Variants in ARHGAP23 observed in about 807,000 individuals in gnomAD.
ARHGAP23 encodes the protein Rho GTPase activating protein 23.
A neutral mutation model predicts 136.3 loss-of-function variants in ARHGAP23; 34 were observed. The observed-to-expected ratio is 0.25, with a 90% CI of 0.19 to 0.33. The LOEUF is 0.33. ARHGAP23 is among the 10% of genes least tolerant of loss of function. ARHGAP23 has a pLI of 1.00. For synonymous variants in ARHGAP23, 832 were observed against 920.5 expected, an observed-to-expected ratio of 0.90 and a Z score of 1.74; for missense variants, 1,808 against 2,139.0, an observed-to-expected ratio of 0.85 and a Z score of 3.05.
intron 1 of ARHGAP23, among the ~76,000 whole-genome samples, chr17:38,456,443 C>T (rs1479051630): frequency 6.6e-6 from 1 of 152,190 alleles, no homozygotes; most frequent in Non-Finnish European, 1.5e-5. Context: ...AACTGATGAG[C>T]TTCTTCCTCC....
At chr17:38,497,935 T>G in intron 21 of ARHGAP23, 109 bp downstream of exon 21, 1 of 1,161,766 alleles carries the variant, frequency 8.6e-7, no homozygotes, top group Non-Finnish European at 1.3e-6. Flanking sequence ...TGTCTGTCCT[T>G]GAGGCTTCCC....
At chr17:38,468,753 G>A (rs1008509598) in intron 7 of ARHGAP23, among the ~76,000 whole-genome samples, 3 of 152,206 alleles carry the variant, frequency 2.0e-5, no homozygotes, top group Admixed American at 6.5e-5. Flanking sequence ...GAAGCTCTCA[G>A]TCTGATGGGG....
In ARHGAP23 at chr17:38,458,055, A is replaced by G. The variant is rs1414987135; in HGVS notation, c.64-47A>G. ...GCAGGAGGTGGTGCAAACAGCCAGA[A>G]GTGTCAGCCACACGGGCGCTCAGCC... On this transcript the variant is annotated intron_variant, in intron 1 of 23. Coordinates refer to ENST00000622683, the MANE Select transcript of ARHGAP23 (RefSeq NM_001199417.2). 24 of 1,532,946 alleles carry G rather than the reference A, an allele frequency of 1.6e-5. No individual in the cohort carries two copies. In the East Asian group the frequency reaches 5.9e-4, roughly 38 times the overall value. 95.0% of individuals were successfully genotyped at this position (1,532,946 alleles called of 1,614,324 possible).
intron 16 of ARHGAP23, 149 bp downstream of exon 16, chr17:38,482,827 G>C: frequency 9.6e-7 from 1 of 1,041,510 alleles, no homozygotes; most frequent in Non-Finnish European, 1.4e-6. Flanking sequence ...TGGGCAAGAT[G>C]GGACCTGCCC....
At chr17:38,431,844 A>G (rs997364716) in intron 1 of ARHGAP23, among the ~76,000 whole-genome samples, 2 of 152,170 alleles carry the variant, frequency 1.3e-5, no homozygotes, top group African/African-American at 4.8e-5. Flanking sequence ...CTCCCAGGCC[A>G]TGCCTTTCCC....
intron 3 of ARHGAP23, among the ~76,000 whole-genome samples, chr17:38,461,173 G>A (rs2052036621): frequency 1.3e-5 from 2 of 152,180 alleles, no homozygotes. Context: ...CTCCACAGAA[G>A]TTTGCTGAGC....
chr17:38,503,518 C>G (rs1435716863), intron 23 of ARHGAP23, among the ~76,000 whole-genome samples: 1 of 152,212 alleles, frequency 6.6e-6, no homozygotes, highest in Admixed American at 6.5e-5. Context: ...CTGGCTTCTC[C>G]ACACTCCCCG....
rs151116767 is a variant in ARHGAP23 at position 38,433,633 on chromosome 17, A to G, written c.63+5085A>G. On this transcript the variant is annotated intron_variant, in intron 1 of 23. Coordinates refer to ENST00000622683, the MANE Select transcript of ARHGAP23 (RefSeq NM_001199417.2). ...GCACTATATGATAGGAAATTAGAGGAGCAGGTGAATCCTACTTCCTACTGT... is the reference window on the plus strand; with the variant it reads ...GCACTATATGATAGGAAATTAGAGGGGCAGGTGAATCCTACTTCCTACTGT... Among the ~76,000 whole-genome samples, 1,453 of 152,258 alleles carry G rather than the reference A, an allele frequency of 9.5e-3. 11 individuals are homozygous for G. Among genetic ancestry groups the G allele is most frequent in the Admixed American group, 0.017 (258 of 15,274 alleles).
chr17:38,453,898 C>A (rs1291543800), intron 1 of ARHGAP23: 1 of 145,298 alleles, frequency 6.9e-6, no homozygotes, highest in Non-Finnish European at 1.5e-5. Context: ...CCGCGCGGCG[C>A]GCGCGTCTCC....
intron 1 of ARHGAP23, among the ~76,000 whole-genome samples, chr17:38,439,047 G>T (rs928262283): frequency 2.0e-5 from 3 of 150,884 alleles, no homozygotes; most frequent in Non-Finnish European, 4.4e-5. Flanking sequence ...GTAGTGGCGG[G>T]CACCTGTAAA....
intron 2 of ARHGAP23, 72 bp from the exon 3 acceptor site, chr17:38,460,833 C>T (rs1290200615): frequency 6.5e-7 from 1 of 1,535,836 alleles, no homozygotes; most frequent in African/African-American, 1.4e-5. Flanking sequence ...GGGCCCTGCC[C>T]ACTGGAGCTG....
Position 38,467,557 on chromosome 17 carries a change from T to C in ARHGAP23, c.1648+226T>C, listed in dbSNP as rs142699713. Among the ~76,000 whole-genome samples, 7 of 152,296 alleles carry C rather than the reference T, an allele frequency of 4.6e-5. No homozygotes were observed. The East Asian group carries it at 1.4e-3, about 29-fold the overall frequency. ...TTCTTCCATCCTACCTCTCATTCAT[T>C]TATCCTTTCAGCATCTTTCCACGCA... is the stretch of plus-strand genomic sequence containing the variant. On this transcript the variant is annotated intron_variant, in intron 7 of 23. Transcript: ENST00000622683.
In ARHGAP23 at chr17:38,458,190, A is replaced by G. The variant is rs761951553; in HGVS notation, c.152A>G (p.Gln51Arg). Reference protein sequence around the residue: ...PRTLLLYKSPQDGFGFTLRHF... With the variant: ...PRTLLLYKSPRDGFGFTLRHF... ...ACGCTGCTGCTGTACAAAAGTCCCC[A>G]GGACGGCTTTGGCTTCACTCTGCGC... Residue 51 changes from glutamine to arginine, a missense_variant, in exon 2 of 24, where the codon CAG becomes CGG. By Grantham distance (43) the Gln-to-Arg change is conservative. Around this residue, in one of 7 missense-constraint regions of ARHGAP23, gnomAD observed 859 missense variants for 936.4 expected, o/e 0.92. Coordinates refer to ENST00000622683, the MANE Select transcript of ARHGAP23 (RefSeq NM_001199417.2). 3.1e-5 allele frequency: 48 copies of G among 1,535,974 alleles called. No homozygotes were observed. In the South Asian group the frequency reaches 5.1e-4, roughly 16 times the overall value.
chr17:38,472,876 A>T (rs1171618162), intron 11 of ARHGAP23, among the ~76,000 whole-genome samples: 1 of 152,202 alleles, frequency 6.6e-6, no homozygotes, highest in Non-Finnish European at 1.5e-5. Flanking sequence ...AAATGAGATG[A>T]TCTAAGTAAA....
chr17:38,501,341 A>G (rs916527647), intron 23 of ARHGAP23, among the ~76,000 whole-genome samples: 20 of 152,082 alleles, frequency 1.3e-4, no homozygotes, highest in Admixed American at 4.6e-4. Context: ...TTGCTCTGTC[A>G]CCCAGGCTGG....
chr17:38,450,886 G>A (rs779024837), intron 1 of ARHGAP23, among the ~76,000 whole-genome samples: 27 of 152,206 alleles, frequency 1.8e-4, no homozygotes, highest in Non-Finnish European at 3.5e-4. Flanking sequence ...CCCTCCCCAG[G>A]GACCCTCAGG....
Position 38,428,515 on chromosome 17 carries a change from G to C in ARHGAP23, c.30G>C (p.Gly10=). 6.9e-7 allele frequency: 1 copy of C among 1,456,382 alleles called. No individual in the cohort carries two copies. Among genetic ancestry groups the C allele is most frequent in the Non-Finnish European group, 9.0e-7 (1 of 1,107,916 alleles). The allele number at this position is 1,456,382 out of a possible 1,614,324, so 90.2% of individuals were successfully genotyped here. ...ATGGAGTCGCCTTCTGCCTGGTCGGGATCCCGCCCCGCCCGGAGCCCCGGC... is the reference window on the plus strand; with the variant it reads ...ATGGAGTCGCCTTCTGCCTGGTCGGCATCCCGCCCCGCCCGGAGCCCCGGC... MNGVAFCLV[G]IPPRPEPRPP... Residue 10 remains glycine, a synonymous_variant, in exon 1 of 24, where the codon GGG becomes GGC. Transcript: ENST00000622683.
At chr17:38,447,589 T>TG (rs1294545383) in intron 1 of ARHGAP23, among the ~76,000 whole-genome samples, 8 of 152,156 alleles carry the variant, frequency 5.3e-5, no homozygotes, top group African/African-American at 1.9e-4. Context: ...GCCAGGCCCT[T>TG]GGGCATCCTC....
intron 1 of ARHGAP23, among the ~76,000 whole-genome samples, chr17:38,419,865 C>T (rs2038502129): frequency 2.0e-5 from 3 of 149,948 alleles, no homozygotes; most frequent in South Asian, 4.2e-4. Context: ...TCAAGATACG[C>T]CGGTCCCCTC....
Sources: gnomAD v4.1 joint callset for allele counts (sites outside exome capture counted in the v4.1 genomes callset) on GRCh38, gnomAD v4.1.1 for gene constraint, gnomAD v4.1.1 regional missense constraint, MANE v1.5 for transcripts, NCBI Gene and HGNC (gene_info 2026-07-23, HGNC 2026-07-21) for gene names.